Variants in ST6GALNAC3 observed in about 807,000 individuals in gnomAD.
The protein encoded by ST6GALNAC3 is alpha-N-acetylgalactosaminide alpha-2,6-sialyltransferase 3.
In ST6GALNAC3, 25 loss-of-function variants were observed where a neutral mutation model predicts 32.7. That is an observed-to-expected ratio of 0.76 (90% CI 0.56 to 1.07). ST6GALNAC3 has a LOEUF of 1.07. Ranked by LOEUF, ST6GALNAC3 falls within the 50% of genes least tolerant of loss-of-function variation. ST6GALNAC3 has a pLI of 0.00. For missense variants in ST6GALNAC3, 355 were observed against 382.4 expected (o/e 0.93, Z 0.60); for synonymous variants, 129 against 133.1 (o/e 0.97, Z 0.21).
chr1:76,447,878 G>A (rs545677444), intron 3 of ST6GALNAC3, among the ~76,000 whole-genome samples: 1 of 152,286 alleles, frequency 6.6e-6, no homozygotes, highest in African/African-American at 2.4e-5. Context: ...CAGGGGTGGA[G>A]AACCTGTGCT....
rs140235093 is a variant in ST6GALNAC3 at position 76,323,536 on chromosome 1, A to G, written c.213+9537A>G. ...GGTTTCACAGAGTGTCTGCCAATTC[A>G]TGAAGTCAGTAAGTTCATGGAATCC... On this transcript the variant is annotated intron_variant, in intron 2 of 4. Coordinates refer to ENST00000328299, the MANE Select transcript of ST6GALNAC3 (RefSeq NM_152996.4). Among the ~76,000 whole-genome samples, 115 of 152,334 alleles carry G rather than the reference A, an allele frequency of 7.5e-4. 1 individual carries two copies. Among genetic ancestry groups the G allele is most frequent in the African/African-American group, 2.4e-3 (101 of 41,578 alleles).
At chr1:76,404,675 G>T (rs1009418157) in intron 2 of ST6GALNAC3, among the ~76,000 whole-genome samples, 1 of 152,056 alleles carries the variant, frequency 6.6e-6, no homozygotes, top group Non-Finnish European at 1.5e-5. Flanking sequence ...TGAAGAGTGC[G>T]TCTCTGGAGC....
At chr1:76,228,693 G>A (rs1656206722) in intron 1 of ST6GALNAC3, among the ~76,000 whole-genome samples, 1 of 152,098 alleles carries the variant, frequency 6.6e-6, no homozygotes, top group African/African-American at 2.4e-5. Flanking sequence ...TTTACTTTCA[G>A]GAAAAATGTT....
At position 76,106,372 on chromosome 1, in the gene ST6GALNAC3, T is replaced by C. The variant is rs373623065; in HGVS notation, c.18+31488T>C. The stretch of plus-strand genomic sequence containing the variant: ...CCATGTTGGTTGGTGCAAGAGGGGC[T>C]GACAGAAGAGAGTTTTGATAAATCC... On this transcript the variant is annotated intron_variant, in intron 1 of 4. Coordinates refer to ENST00000328299, the MANE Select transcript of ST6GALNAC3 (RefSeq NM_152996.4). Among the ~76,000 whole-genome samples, 3 of 152,350 alleles carry C rather than the reference T, an allele frequency of 2.0e-5. No individual in the cohort carries two copies. The East Asian group carries it at 5.8e-4, about 29-fold the overall frequency.
chr1:76,189,520 A>G (rs1296067211), intron 1 of ST6GALNAC3, among the ~76,000 whole-genome samples: 1 of 152,210 alleles, frequency 6.6e-6, no homozygotes, highest in Non-Finnish European at 1.5e-5. Flanking sequence ...TGCTTAGTGA[A>G]TGTGGCAATC....
chr1:76,613,163 T>C (rs17684029), intron 3 of ST6GALNAC3, among the ~76,000 whole-genome samples: 4,682 of 152,292 alleles, frequency 0.031, 120 homozygotes, highest in Non-Finnish European at 0.046. Flanking sequence ...GAGTTTGCTT[T>C]GCAGTGAAGA....
chr1:76,149,348 C>G (rs1650894971), intron 1 of ST6GALNAC3, among the ~76,000 whole-genome samples: 1 of 152,192 alleles, frequency 6.6e-6, no homozygotes, highest in Admixed American at 6.5e-5. Flanking sequence ...CATGAGGTTA[C>G]TCTCTGTAGT....
chr1:76,149,796 T>A (rs1391189786), intron 1 of ST6GALNAC3, among the ~76,000 whole-genome samples: 1 of 152,260 alleles, frequency 6.6e-6, no homozygotes, highest in East Asian at 1.9e-4. Flanking sequence ...ACCACAGGGC[T>A]GCAGATACCT....
intron 3 of ST6GALNAC3, among the ~76,000 whole-genome samples, chr1:76,556,684 T>C (rs1664947131): frequency 6.6e-6 from 1 of 152,132 alleles, no homozygotes; most frequent in Non-Finnish European, 1.5e-5. Flanking sequence ...GATAAATGTT[T>C]CTTCAAATCG....
intron 2 of ST6GALNAC3, among the ~76,000 whole-genome samples, chr1:76,400,220 A>G (rs1459687763): frequency 1.3e-5 from 2 of 152,198 alleles, no homozygotes; most frequent in African/African-American, 2.4e-5. Flanking sequence ...TCCTTAAATA[A>G]CAGTTTTAAA....
At chr1:76,296,264 T>C (rs1422007075) in intron 1 of ST6GALNAC3, among the ~76,000 whole-genome samples, 5 of 151,994 alleles carry the variant, frequency 3.3e-5, no homozygotes, top group Non-Finnish European at 2.9e-5. Context: ...GCAAACTTCT[T>C]GGGAAGTGTG....
intron 2 of ST6GALNAC3, among the ~76,000 whole-genome samples, chr1:76,356,731 C>T (rs1380151977): frequency 6.6e-6 from 1 of 152,098 alleles, no homozygotes; most frequent in Non-Finnish European, 1.5e-5. Flanking sequence ...CCTGAATCCC[C>T]CAGTCCTGAT....
chr1:76,212,922 C>T (rs748633888), intron 1 of ST6GALNAC3, among the ~76,000 whole-genome samples: 7 of 152,186 alleles, frequency 4.6e-5, no homozygotes, highest in Non-Finnish European at 1.0e-4. Flanking sequence ...AGAAAGAAAA[C>T]AGCTGACACT....
At chr1:76,445,216 CCAAA>C (rs1288488911) in intron 3 of ST6GALNAC3, among the ~76,000 whole-genome samples, 1 of 152,144 alleles carries the variant, frequency 6.6e-6, no homozygotes, top group Admixed American at 6.5e-5. Flanking sequence ...CCAAGTGTAT[CCAAA>C]CACTCTGTAT....
At chr1:76,494,429 G>GTATATATATATATATA (rs60378565) in intron 3 of ST6GALNAC3, among the ~76,000 whole-genome samples, 1 of 53,420 alleles carries the variant, frequency 1.9e-5, no homozygotes, top group Non-Finnish European at 3.6e-5. Flanking sequence ...GTGTGCATGT[G>GTATATATATATATATA]TATATATATA....
chr1:76,264,383 C>T (rs768025389), intron 1 of ST6GALNAC3, among the ~76,000 whole-genome samples: 1 of 152,100 alleles, frequency 6.6e-6, no homozygotes, highest in African/African-American at 2.4e-5. Flanking sequence ...ACCTTTAAGA[C>T]CCATGAAAAT....
At chr1:76,492,433 A>G (rs1017735115) in intron 3 of ST6GALNAC3, among the ~76,000 whole-genome samples, 1 of 152,200 alleles carries the variant, frequency 6.6e-6, no homozygotes, top group African/African-American at 2.4e-5. Flanking sequence ...AAAGAAAAAC[A>G]TTATCTATTA....
chr1:76,076,119 T>C (rs530355108), intron 1 of ST6GALNAC3, among the ~76,000 whole-genome samples: 39 of 152,180 alleles, frequency 2.6e-4, no homozygotes, highest in Non-Finnish European at 4.6e-4. Flanking sequence ...AAATAATACA[T>C]CAGTATTACA....
At chr1:76,283,823 CT>C (rs1659630108) in intron 1 of ST6GALNAC3, among the ~76,000 whole-genome samples, 1 of 152,212 alleles carries the variant, frequency 6.6e-6, no homozygotes, top group South Asian at 2.1e-4. Flanking sequence ...TTGAACCTCT[CT>C]GAATGAGTGT....
Sources: allele counts gnomAD v4.1 joint callset (sites outside exome capture counted in the v4.1 genomes callset), GRCh38; gene constraint gnomAD v4.1.1; transcripts MANE v1.5; gene names NCBI Gene and HGNC (gene_info 2026-07-23, HGNC 2026-07-21).